The following HSPG2 variants were observed in gnomAD, a reference collection of about 807,000 sequenced individuals.
HSPG2 encodes the protein basement membrane-specific heparan sulfate proteoglycan core protein.
HSPG2 carries 278 observed loss-of-function variants against 526.6 expected under a neutral mutation model. The ratio of observed to expected loss-of-function variants is 0.53; its 90% CI spans 0.48 to 0.58. The LOEUF (loss-of-function observed/expected upper bound fraction) is 0.58. Ranked by LOEUF, HSPG2 falls within the 20% of genes least tolerant of loss-of-function variation. The pLI, the probability that HSPG2 is intolerant of heterozygous loss-of-function variation, is 0.00. For synonymous variants in HSPG2, 2,465 were observed against 2,555.4 expected (o/e 0.96, Z 1.07); for missense variants, 5,354 against 6,099.5 (o/e 0.88, Z 4.07).
At chr1:21,917,445 A>G (rs1021106341) in intron 1 of HSPG2, among the ~76,000 whole-genome samples, 69 of 91,474 alleles carry the variant, frequency 7.5e-4, no homozygotes, top group Admixed American at 2.4e-3. Flanking sequence ...AAGTAAATAA[A>G]TAAATAAATA....
intron 67 of HSPG2, 40 bp from the exon 68 acceptor site, chr1:21,842,420 C>A: frequency 6.4e-7 from 1 of 1,551,274 alleles, no homozygotes; most frequent in Non-Finnish European, 8.7e-7. Context: ...GGGCAAAGTC[C>A]CCAGGACAAG....
At chr1:21,849,928 T>A in intron 57 of HSPG2, 113 bp downstream of exon 57, 1 of 1,317,570 alleles carries the variant, frequency 7.6e-7, no homozygotes, top group Middle Eastern at 2.6e-4. Context: ...TCTTCCTGCC[T>A]TGGCCTCCCA....
chr1:21,875,971 G>T lies in HSPG2; in HGVS notation c.3075C>A (p.His1025Gln). Reference sequence around the variant, plus strand: ...CTTGCAGCACCACCAACGGCTGCCCGTGCAGGGGTGTGGAGCCCGGCTGGG... The same window carrying T: ...CTTGCAGCACCACCAACGGCTGCCCTTGCAGGGGTGTGGAGCCCGGCTGGG... ...QRSQPGSTPL[H>Q]GQPLVVLQGN... is the part of the protein sequence containing the mutation. Residue 1025 changes from histidine (H) to glutamine (Q), a missense_variant, in exon 24 of 97, where the codon CAC becomes CAA. Transcript: ENST00000374695. 6.2e-7 allele frequency: 1 copy of T among 1,614,210 alleles called. No individual in the cohort carries two copies. The highest frequency in any genetic ancestry group is 1.7e-5 in the Admixed American group (1 of 60,034).
rs745421563 is a variant in HSPG2 at position 21,823,517 on chromosome 1, T to G, written c.13004-29A>C. 7.5e-6 allele frequency: 12 copies of G among 1,608,218 alleles called. No homozygotes were observed. The African/African-American group carries it at 1.6e-4, about 21-fold the overall frequency. ...CCGGGAGGTGAGAGGACAGGGCCTG[T>G]GGGCTCCAGCAGCCCAGGAGGCGAG... On this transcript the variant is annotated intron_variant, in intron 96 of 96. Coordinates refer to ENST00000374695, the MANE Select transcript of HSPG2 (RefSeq NM_005529.7).
At chr1:21,873,813 A>G in intron 29 of HSPG2, 112 bp downstream of exon 29, 3 of 894,208 alleles carry the variant, frequency 3.4e-6, no homozygotes, top group Non-Finnish European at 5.2e-6. Flanking sequence ...GTGCGAGGTT[A>G]AGAGCGAGAG....
At chr1:21,920,809 G>T (rs987922137) in intron 1 of HSPG2, among the ~76,000 whole-genome samples, 5 of 152,116 alleles carry the variant, frequency 3.3e-5, no homozygotes, top group South Asian at 2.1e-4. Flanking sequence ...CCCAGCCCAG[G>T]GAGGAATCCA....
At position 21,861,606 on chromosome 1, in the gene HSPG2, C is replaced by T. The variant is rs182090995; in HGVS notation, c.4955+151G>A. On this transcript the variant is annotated intron_variant, in intron 39 of 96. Transcript: ENST00000374695. ...AGCTGCCTAAGGAGGGTGGGCTTGT[C>T]CCAAGAGCAATGAGGTGTCTTAGAA... 1.7e-5 allele frequency: 13 copies of T among 774,032 alleles called. No individual in the cohort carries two copies. The Admixed American group carries it at 2.6e-4, about 16-fold the overall frequency. The allele number at this position is 774,032 out of a possible 1,614,324, so 47.9% of individuals were successfully genotyped here.
intron 1 of HSPG2, among the ~76,000 whole-genome samples, chr1:21,899,122 T>G (rs1372607458): frequency 1.3e-5 from 2 of 152,144 alleles, no homozygotes; most frequent in Non-Finnish European, 2.9e-5. Flanking sequence ...CATCTGCCAG[T>G]CTGCTGTTGC....
At chr1:21,878,860 G>A (rs1641295908) in intron 18 of HSPG2, 134 bp downstream of exon 18, 1 of 1,272,796 alleles carries the variant, frequency 7.9e-7, no homozygotes, top group Admixed American at 2.0e-5. Flanking sequence ...GCCTAGAGAG[G>A]TCCAGGAGCA....
chr1:21,825,389 C>T (rs2097968381), intron 91 of HSPG2, among the ~76,000 whole-genome samples: 1 of 152,186 alleles, frequency 6.6e-6, no homozygotes, highest in Non-Finnish European at 1.5e-5. Context: ...CCCAAGAAAC[C>T]CCTCAGTCCG....
chr1:21,880,318 C>A (rs754727045), intron 16 of HSPG2, 45 bp downstream of exon 16: 1 of 1,613,850 alleles, frequency 6.2e-7, no homozygotes, highest in African/African-American at 1.3e-5. Context: ...TCTCCTCTAT[C>A]CTTGCTAGGG....
intron 44 of HSPG2, 103 bp downstream of exon 44, chr1:21,856,912 A>C: frequency 8.2e-7 from 1 of 1,217,204 alleles, no homozygotes; most frequent in Non-Finnish European, 1.2e-6. Context: ...GGCATGCAGC[A>C]GGTGCTCAGA....
chr1:21,877,315 T>TA (rs5772968), intron 21 of HSPG2, among the ~76,000 whole-genome samples: 22,042 of 151,978 alleles, frequency 0.15, 2,022 homozygotes, highest in African/African-American at 0.26. Flanking sequence ...TTAACTCCCC[T>TA]AAGGACCTTG....
At chr1:21,886,012 G>A (rs906193464) in intron 9 of HSPG2, among the ~76,000 whole-genome samples, 2 of 152,214 alleles carry the variant, frequency 1.3e-5, no homozygotes, top group Non-Finnish European at 2.9e-5. Flanking sequence ...TCAGGGAGAT[G>A]GAGCTTGAGA....
At position 21,865,754 on chromosome 1, in the gene HSPG2, T is replaced by C. The variant is rs1640175647; in HGVS notation, c.4277A>G (p.Gln1426Arg). The C allele has an allele frequency of 6.2e-7, 1 of 1,613,894 alleles. No homozygotes were observed. The highest frequency in any genetic ancestry group is 8.5e-7 in the Non-Finnish European group (1 of 1,179,986). Residue 1426 changes from glutamine (Q) to arginine (R), a missense_variant, in exon 34 of 97, where the codon CAG becomes CGG. Transcript: ENST00000374695. The surrounding 1 kb of genome is among the most constrained non-coding windows in gnomAD (Gnocchi z 5.4). ...ATCGGGGTCAGAGAGTGGGCTGCCC[T>C]GTGGGCCTGCTGTGTAGGAGAGGGT... ...RYTLSYTAGP[Q>R]GSPLSDPDVQ...
chr1:21,834,893 A>T lies in HSPG2; in HGVS notation c.10506T>A (p.Val3502=), dbSNP rs2098020021. ...GGCATTCGAACTCCACGGCGTGGCCAACCACCACGGTCTGCACAGAGGTCC... is the reference window on the plus strand; with the variant it reads ...GGCATTCGAACTCCACGGCGTGGCCTACCACCACGGTCTGCACAGAGGTCC... The part of the protein sequence containing the change: ...NIRTSVQTVV[V]GHAVEFECLA... Residue 3502 remains valine, a synonymous_variant, in exon 77 of 97, where the codon GTT becomes GTA. Transcript: ENST00000374695. The T allele has an allele frequency of 1.2e-6, 2 of 1,613,424 alleles. No homozygotes were observed. Among genetic ancestry groups the T allele is most frequent in the Non-Finnish European group, 1.7e-6 (2 of 1,179,650 alleles).
At chr1:21,873,848 G>T in intron 29 of HSPG2, 77 bp downstream of exon 29, 1 of 1,277,564 alleles carries the variant, frequency 7.8e-7, no homozygotes, top group Non-Finnish European at 1.1e-6. Flanking sequence ...TCTGGGTTGG[G>T]AGCGCTGGGC....
Position 21,857,270 on chromosome 1 carries a change from C to T in HSPG2, c.5394+15G>A, listed in dbSNP as rs1324496051. On this transcript the variant is annotated intron_variant, in intron 43 of 96. Coordinates refer to ENST00000374695, the MANE Select transcript of HSPG2 (RefSeq NM_005529.7). The stretch of plus-strand genomic sequence containing the variant: ...AAGACAGACTTCCTCCATCCCCACT[C>T]CCTGACCTGCACACCTTGCTTTTGG... The T allele has an allele frequency of 4.3e-6, 7 of 1,614,078 alleles. No homozygotes were observed. In the Middle Eastern group the frequency reaches 6.6e-4, roughly 152 times the overall value.
At chr1:21,873,557 A>T in intron 29 of HSPG2, 133 bp from the exon 30 acceptor site, 1 of 945,590 alleles carries the variant, frequency 1.1e-6, no homozygotes, top group Non-Finnish European at 1.7e-6. Flanking sequence ...CGCCCATGTT[A>T]CGGGGAAACT....
Sources: gnomAD v4.1 joint callset for allele counts (sites outside exome capture counted in the v4.1 genomes callset) on GRCh38, gnomAD v4.1.1 for gene constraint, Gnocchi (gnomAD v3.1) non-coding constraint, MANE v1.5 for transcripts, NCBI Gene and HGNC (gene_info 2026-07-23, HGNC 2026-07-21) for gene names.